The following LRMDA variants were observed in gnomAD, a reference collection of about 807,000 sequenced individuals.
The protein encoded by LRMDA is leucine rich melanocyte differentiation associated.
LRMDA carries 18 observed loss-of-function variants against 29.8 expected under a neutral mutation model. The observed-to-expected ratio is 0.60, with a 90% CI of 0.42 to 0.90. LRMDA has a LOEUF of 0.90. LRMDA is among the 40% of genes least tolerant of loss of function. LRMDA has a pLI of 0.00. For missense variants in LRMDA, 273 were observed against 273.9 expected (o/e 1.00, Z 0.02); for synonymous variants, 125 against 109.4 (o/e 1.14, Z -0.89).
intron 6 of LRMDA, among the ~76,000 whole-genome samples, chr10:76,363,157 GAAAGAAAGAAAGAAA>G (rs1841335508): frequency 7.7e-5 from 3 of 38,930 alleles, no homozygotes; most frequent in Non-Finnish European, 1.6e-4. Context: ...AAGAAAGAAA[GAAAGAAAGAAAGAAA>G]GAAAGGAGGG....
intron 5 of LRMDA, among the ~76,000 whole-genome samples, chr10:76,230,716 A>C (rs1852043903): frequency 6.6e-6 from 1 of 152,234 alleles, no homozygotes; most frequent in African/African-American, 2.4e-5. Context: ...AATGAGTGCC[A>C]GACTTGTCAA....
intron 2 of LRMDA, among the ~76,000 whole-genome samples, chr10:75,652,838 C>T (rs1351040344): frequency 1.3e-5 from 2 of 152,144 alleles, no homozygotes; most frequent in African/African-American, 4.8e-5. Flanking sequence ...AAACATAATT[C>T]ATATGTTGAT....
chr10:75,807,183 C>A (rs925682969), intron 2 of LRMDA, among the ~76,000 whole-genome samples: 6 of 152,052 alleles, frequency 3.9e-5, no homozygotes, highest in African/African-American at 1.4e-4. Context: ...CAAGTAGAAG[C>A]AGCATGTGAG....
At chr10:76,432,616 A>G (rs2132284465) in intron 6 of LRMDA, among the ~76,000 whole-genome samples, 1 of 152,328 alleles carries the variant, frequency 6.6e-6, no homozygotes, top group South Asian at 2.1e-4. Flanking sequence ...GGTCTAAAGG[A>G]AAATATCATT....
At chr10:75,573,825 G>A (rs1840467464) in intron 2 of LRMDA, among the ~76,000 whole-genome samples, 1 of 152,018 alleles carries the variant, frequency 6.6e-6, no homozygotes, top group Non-Finnish European at 1.5e-5. Flanking sequence ...TAAGAGGTGT[G>A]TCACAGGTCT....
intron 2 of LRMDA, among the ~76,000 whole-genome samples, chr10:75,998,390 T>C (rs1048164966): frequency 1.3e-5 from 2 of 152,198 alleles, no homozygotes; most frequent in African/African-American, 4.8e-5. Context: ...ACCTGGCCTC[T>C]GGGTACCTCT....
chr10:75,609,277 C>A (rs549537694), intron 2 of LRMDA, among the ~76,000 whole-genome samples: 2 of 152,314 alleles, frequency 1.3e-5, no homozygotes, highest in Non-Finnish European at 2.9e-5. Context: ...TTTGTAAAGA[C>A]ACCCACACCC....
intron 6 of LRMDA, among the ~76,000 whole-genome samples, chr10:76,477,170 A>G (rs529280591): frequency 6.6e-6 from 1 of 152,232 alleles, no homozygotes; most frequent in African/African-American, 2.4e-5. Context: ...TCAGCCCAAA[A>G]TCTCCTTAAG....
At chr10:75,569,758 G>A (rs1038923731) in intron 2 of LRMDA, among the ~76,000 whole-genome samples, 2 of 152,206 alleles carry the variant, frequency 1.3e-5, no homozygotes, top group African/African-American at 4.8e-5. Context: ...GAAGGGATTG[G>A]TTTTAGCACA....
chr10:75,906,176 G>T (rs1445771259), intron 2 of LRMDA, among the ~76,000 whole-genome samples: 1 of 152,060 alleles, frequency 6.6e-6, no homozygotes, highest in South Asian at 2.1e-4. Flanking sequence ...GAGAATATAG[G>T]AATGAAATTG....
intron 5 of LRMDA, among the ~76,000 whole-genome samples, chr10:76,093,014 C>T (rs138219951): frequency 6.6e-6 from 1 of 152,154 alleles, no homozygotes; most frequent in East Asian, 1.9e-4. Flanking sequence ...CGTTAGGGCA[C>T]CATGAACTAA....
chr10:75,816,287 A>C (rs1403880284), intron 2 of LRMDA, among the ~76,000 whole-genome samples: 1 of 152,162 alleles, frequency 6.6e-6, no homozygotes, highest in African/African-American at 2.4e-5. Flanking sequence ...GTCAGAGAGG[A>C]GGTCTAGAAC....
chr10:75,582,215 G>A (rs796910614), intron 2 of LRMDA, among the ~76,000 whole-genome samples: 5 of 152,336 alleles, frequency 3.3e-5, no homozygotes, highest in African/African-American at 1.2e-4. Context: ...TCTGTGTGGG[G>A]GCTCCAACTT....
At chr10:76,276,053 C>CTA (rs150054728) in intron 5 of LRMDA, among the ~76,000 whole-genome samples, 3,439 of 140,004 alleles carry the variant, frequency 0.025, 129 homozygotes, top group African/African-American at 0.087. Context: ...ATCTATCTAT[C>CTA]TCTTTCTTTC....
intron 6 of LRMDA, among the ~76,000 whole-genome samples, chr10:76,430,566 G>C (rs1842180106): frequency 6.6e-6 from 1 of 152,200 alleles, no homozygotes; most frequent in Non-Finnish European, 1.5e-5. Flanking sequence ...AGGCAGGCAG[G>C]AGGGAATTGA....
intron 6 of LRMDA, among the ~76,000 whole-genome samples, chr10:76,451,642 CT>C (rs777043341): frequency 0.023 from 3,030 of 129,902 alleles, 30 homozygotes; most frequent in Non-Finnish European, 0.037. Flanking sequence ...TTCTCCAATG[CT>C]TTTTTTTTTT....
At chr10:75,762,781 T>C (rs770022712) in intron 2 of LRMDA, among the ~76,000 whole-genome samples, 1 of 152,168 alleles carries the variant, frequency 6.6e-6, no homozygotes, top group Non-Finnish European at 1.5e-5. Flanking sequence ...TAGATGTTAG[T>C]TATTATTATT....
chr10:75,740,914 C>CATAT (rs146363680), intron 2 of LRMDA, among the ~76,000 whole-genome samples: 1 of 149,606 alleles, frequency 6.7e-6, no homozygotes, highest in African/African-American at 2.5e-5. Context: ...GCCTGTCATT[C>CATAT]ATATATATAT....
chr10:75,618,405 T>TAA, intron 2 of LRMDA, among the ~76,000 whole-genome samples: 1 of 144,790 alleles, frequency 6.9e-6, no homozygotes, highest in South Asian at 2.1e-4. Context: ...TATATATATA[T>TAA]ATCAGACTAT....
Sources: gnomAD v4.1 joint callset for allele counts (sites outside exome capture counted in the v4.1 genomes callset) on GRCh38, gnomAD v4.1.1 for gene constraint, MANE v1.5 for transcripts, NCBI Gene and HGNC (gene_info 2026-07-23, HGNC 2026-07-21) for gene names.